The following ST7 variants were observed in gnomAD, a reference collection of about 807,000 sequenced individuals.
ST7 encodes the protein suppressor of tumorigenicity 7 protein.
A neutral mutation model predicts 78.7 loss-of-function variants in ST7; 28 were observed. The ratio of observed to expected loss-of-function variants is 0.36; its 90% confidence interval spans 0.26 to 0.49. ST7 has a LOEUF of 0.49. ST7 is among the 20% of genes least tolerant of loss of function. The pLI is 0.99. For synonymous variants in ST7, 247 were observed against 249.6 expected, an observed-to-expected ratio of 0.99 and a Z score of 0.10; for missense variants, 418 against 696.0, an observed-to-expected ratio of 0.60 and a Z score of 4.49.
chr7:117,192,133 A>C (rs1375099086), intron 12 of ST7, among the ~76,000 whole-genome samples: 3 of 152,238 alleles, frequency 2.0e-5, no homozygotes. Context: ...CTATAACTAT[A>C]TCTCCTTATA....
At chr7:116,971,546 T>C (rs532245235) in intron 1 of ST7, among the ~76,000 whole-genome samples, 31 of 152,132 alleles carry the variant, frequency 2.0e-4, no homozygotes, top group African/African-American at 7.5e-4. Context: ...GAAATAATGT[T>C]GTCCAAAGGT....
intron 15 of ST7, among the ~76,000 whole-genome samples, chr7:117,227,982 G>A (rs1793557876): frequency 6.6e-6 from 1 of 152,150 alleles, no homozygotes; most frequent in Non-Finnish European, 1.5e-5. Context: ...TATCCTTCTA[G>A]CCACTTTTGA....
At chr7:117,097,473 C>A (rs1021229536) in intron 1 of ST7, among the ~76,000 whole-genome samples, 1 of 151,716 alleles carries the variant, frequency 6.6e-6, no homozygotes, top group Non-Finnish European at 1.5e-5. Context: ...TTACAGGCAC[C>A]CACCATGCCC....
intron 10 of ST7, among the ~76,000 whole-genome samples, chr7:117,177,336 C>T (rs576168325): frequency 6.6e-6 from 1 of 152,322 alleles, no homozygotes; most frequent in South Asian, 2.1e-4. Context: ...TTGGTGAATG[C>T]ATACATCTGT....
At chr7:117,077,125 C>T (rs1167212738) in intron 1 of ST7, among the ~76,000 whole-genome samples, 1 of 152,126 alleles carries the variant, frequency 6.6e-6, no homozygotes, top group African/African-American at 2.4e-5. Context: ...GCTGTGTCTC[C>T]GAAGTCAAGC....
chr7:117,060,731 C>T (rs958510063), intron 1 of ST7, among the ~76,000 whole-genome samples: 7 of 152,088 alleles, frequency 4.6e-5, no homozygotes, highest in Non-Finnish European at 8.8e-5. Flanking sequence ...CCTGGCCAGG[C>T]GTAGTGGCTT....
intron 1 of ST7, among the ~76,000 whole-genome samples, chr7:117,025,926 G>T (rs1258861071): frequency 2.0e-5 from 3 of 151,992 alleles, no homozygotes; most frequent in African/African-American, 7.3e-5. Flanking sequence ...ATATGCAATG[G>T]TTATTTTTAA....
At chr7:117,015,444 T>C (rs1795561901) in intron 1 of ST7, among the ~76,000 whole-genome samples, 1 of 152,252 alleles carries the variant, frequency 6.6e-6, no homozygotes, top group South Asian at 2.1e-4. Flanking sequence ...ATGGTGTTAA[T>C]GTAATGAAGT....
intron 14 of ST7, among the ~76,000 whole-genome samples, chr7:117,221,018 A>C (rs1168466936): frequency 1.3e-5 from 2 of 152,002 alleles, no homozygotes; most frequent in Non-Finnish European, 2.9e-5. Context: ...GCTGTTTCTC[A>C]CGTGCAGTTT....
intron 1 of ST7, among the ~76,000 whole-genome samples, chr7:117,056,600 A>G (rs1196445023): frequency 6.6e-6 from 1 of 152,092 alleles, no homozygotes; most frequent in Non-Finnish European, 1.5e-5. Flanking sequence ...GCACCATTGC[A>G]TCCAGCCTGG....
chr7:116,964,098 A>G (rs772359337), intron 1 of ST7, among the ~76,000 whole-genome samples: 9 of 152,268 alleles, frequency 5.9e-5, no homozygotes, highest in Non-Finnish European at 1.2e-4. Flanking sequence ...ACTCTGAAGT[A>G]TAAAATCGTC....
intron 1 of ST7, among the ~76,000 whole-genome samples, chr7:116,971,310 A>G (rs1698798749): frequency 6.6e-6 from 1 of 152,250 alleles, no homozygotes; most frequent in African/African-American, 2.4e-5. Context: ...AGCAGCTTCA[A>G]ACCCAGAAAA....
chr7:117,089,287 A>C (rs1800402414), intron 1 of ST7, among the ~76,000 whole-genome samples: 1 of 152,258 alleles, frequency 6.6e-6, no homozygotes, highest in African/African-American at 2.4e-5. Context: ...CCAGTGTTTT[A>C]CATAGTACCT....
chr7:117,113,778 G>A (rs947732891), intron 2 of ST7, among the ~76,000 whole-genome samples: 3 of 152,144 alleles, frequency 2.0e-5, no homozygotes, highest in African/African-American at 7.2e-5. Flanking sequence ...TAGATTCTGA[G>A]CACCACCCAG....
intron 1 of ST7, among the ~76,000 whole-genome samples, chr7:117,017,724 G>A (rs1355432089): frequency 6.6e-6 from 1 of 151,870 alleles, no homozygotes; most frequent in Admixed American, 6.6e-5. Context: ...ATTAAACTTT[G>A]TGTTCCTTCT....
intron 1 of ST7, among the ~76,000 whole-genome samples, chr7:117,007,148 A>G (rs568738401): frequency 1.2e-4 from 18 of 152,354 alleles, no homozygotes; most frequent in Admixed American, 5.9e-4. Context: ...AAGGCATGTC[A>G]AAAGCTGACA....
intron 1 of ST7, among the ~76,000 whole-genome samples, chr7:117,077,392 C>T (rs1799429328): frequency 6.6e-6 from 1 of 152,164 alleles, no homozygotes; most frequent in African/African-American, 2.4e-5. Flanking sequence ...TGCCTCCTGT[C>T]CCCATCATCA....
At chr7:117,204,732 A>G (rs754944739) in intron 12 of ST7, among the ~76,000 whole-genome samples, 4 of 152,182 alleles carry the variant, frequency 2.6e-5, no homozygotes, top group Non-Finnish European at 4.4e-5. Context: ...AGGCCATTTT[A>G]TCAGAGCCAG....
chr7:117,026,305 T>C (rs1316285739), intron 1 of ST7, among the ~76,000 whole-genome samples: 1 of 152,198 alleles, frequency 6.6e-6, no homozygotes, highest in Non-Finnish European at 1.5e-5. Context: ...AATTGTATAG[T>C]CATTTATAGA....
Sources: allele counts gnomAD v4.1 joint callset (sites outside exome capture counted in the v4.1 genomes callset), GRCh38; gene constraint gnomAD v4.1.1; transcripts MANE v1.5; gene names NCBI Gene and HGNC (gene_info 2026-07-23, HGNC 2026-07-21).